The following CTU1 variants were observed in gnomAD, a reference collection of about 807,000 sequenced individuals.
CTU1 encodes cytosolic thiouridylase subunit 1.
A neutral mutation model predicts 12.9 loss-of-function variants in CTU1; 15 were observed. That is an observed-to-expected ratio of 1.16 (90% CI 0.78 to 1.79). CTU1 has a LOEUF of 1.79. Ranked by LOEUF, CTU1 falls within the 40% of genes most tolerant of loss-of-function variation. CTU1 has a pLI of 0.00. For synonymous variants in CTU1, 295 were observed against 275.6 expected (o/e 1.07, Z -0.70); for missense variants, 553 against 550.5 (o/e 1.00, Z -0.05).
intron 1 of CTU1, among the ~76,000 whole-genome samples, chr19:51,107,969 G>A (rs2091924479): frequency 6.6e-6 from 1 of 152,160 alleles, no homozygotes; most frequent in Non-Finnish European, 1.5e-5. Context: ...CGCAGAGTCG[G>A]TGCTCAGTAA....
chr19:51,107,912 C>T (rs1194104463), intron 1 of CTU1, among the ~76,000 whole-genome samples: 1 of 152,170 alleles, frequency 6.6e-6, no homozygotes, highest in African/African-American at 2.4e-5. Flanking sequence ...CTCTCTGCTT[C>T]AAGGCAGGGA....
intron 2 of CTU1, among the ~76,000 whole-genome samples, chr19:51,099,768 C>T (rs896361108): frequency 6.6e-6 from 1 of 152,146 alleles, no homozygotes; most frequent in Non-Finnish European, 1.5e-5. Flanking sequence ...CTGTCTCCCC[C>T]ACCGCCTAGG....
Position 51,098,473 on chromosome 19 carries a change from T to C in CTU1, c.*128A>G. On this transcript the variant is annotated 3_prime_UTR_variant, in exon 3 of 3. Transcript: ENST00000421832. The surrounding 1 kb of genome is among the most constrained non-coding windows in gnomAD (Gnocchi z 4.3). ...GTCCCAGCTTCTTCAGGGTTTCAGG[T>C]GAATGGGCCCCCGTCTCCTTCCCAA... 1.1e-6 allele frequency: 1 copy of C among 933,872 alleles called. No individual in the cohort carries two copies. The allele number at this position is 933,872 out of a possible 1,614,324, so 57.8% of individuals were successfully genotyped here. A position where few individuals can be genotyped will look rare whatever the true frequency, so the allele number is the denominator to read the frequency against.
chr19:51,101,452 G>A (rs1176073500), intron 2 of CTU1, among the ~76,000 whole-genome samples: 1 of 152,146 alleles, frequency 6.6e-6, no homozygotes, highest in East Asian at 1.9e-4. Context: ...ATTTCTGTGT[G>A]TCAGGTTGGG....
Position 51,108,165 on chromosome 19 carries a change from C to T in CTU1, c.-22+182G>A, listed in dbSNP as rs898808994. On this transcript the variant is annotated intron_variant, in intron 1 of 2. Coordinates refer to ENST00000421832, the MANE Select transcript of CTU1 (RefSeq NM_145232.4). The surrounding 1 kb of genome is among the most constrained non-coding windows in gnomAD (Gnocchi z 4.5). ...TATCCTGTCTTGGGGAAGGGAGTGG[C>T]CCGGTAAGAGACAGGCCGGACCGCA... Among the ~76,000 whole-genome samples the T allele has an allele frequency of 5.3e-5, 8 of 151,982 alleles. 1 individual carries two copies. Among genetic ancestry groups the T allele is most frequent in the Non-Finnish European group, 1.5e-5 (1 of 67,996 alleles).
intron 2 of CTU1, among the ~76,000 whole-genome samples, chr19:51,101,615 A>C (rs2091907282): frequency 1.3e-5 from 2 of 152,152 alleles, no homozygotes; most frequent in Non-Finnish European, 2.9e-5. Context: ...ATATGGTAAA[A>C]AACCTCCAAG....
chr19:51,107,726 G>A (rs2091923839), intron 1 of CTU1, among the ~76,000 whole-genome samples: 2 of 152,136 alleles, frequency 1.3e-5, no homozygotes, highest in South Asian at 2.1e-4. Flanking sequence ...GGGACGGTGG[G>A]GCCATTTTGT....
At chr19:51,106,859 A>G (rs1470119210) in intron 1 of CTU1, among the ~76,000 whole-genome samples, 4 of 152,110 alleles carry the variant, frequency 2.6e-5, no homozygotes, top group African/African-American at 9.7e-5. Flanking sequence ...TGATATTCAG[A>G]TGTCCCTCCT....
In CTU1 at chr19:51,098,914, C is replaced by T. The variant is rs1406841683; in HGVS notation, c.734G>A (p.Arg245His). 14 of 1,520,486 alleles carry T rather than the reference C, an allele frequency of 9.2e-6. No homozygotes were observed. Among genetic ancestry groups the T allele is most frequent in the African/African-American group, 1.4e-5 (1 of 70,088 alleles). 94.2% of individuals were successfully genotyped at this position (1,520,486 alleles called of 1,614,324 possible). A position where few individuals can be genotyped will look rare whatever the true frequency, so the allele number is the denominator to read the frequency against. ...EECVYAPEAF[R>H]GHARDLLKRL... The stretch of plus-strand genomic sequence containing the variant: ...CTTGAGCAGGTCCCGGGCGTGGCCG[C>T]GGAAGGCCTCGGGCGCGTAGACGCA... The change falls in exon 3 of 3, where the codon CGC (arginine) becomes CAC (histidine). Residue 245 changes from arginine (R) to histidine (H), a missense_variant. By Grantham distance (29) the Arg-to-His change is conservative. Around this residue, in one of 2 missense-constraint regions of CTU1, gnomAD observed 500 missense variants for 458.5 expected, o/e 1.09. Coordinates refer to ENST00000421832, the MANE Select transcript of CTU1 (RefSeq NM_145232.4). The surrounding 1 kb of genome is among the most constrained non-coding windows in gnomAD (Gnocchi z 4.3).
intron 1 of CTU1, among the ~76,000 whole-genome samples, chr19:51,106,504 T>G (rs1412000336): frequency 1.4e-5 from 1 of 69,006 alleles, no homozygotes; most frequent in Admixed American, 1.1e-4. Context: ...AGATTTTTAA[T>G]TTAATTTAAT....
In CTU1 at chr19:51,102,223, C is replaced by T. The variant is rs182590134; in HGVS notation, c.508+1839G>A. Among the ~76,000 whole-genome samples the T allele has an allele frequency of 3.3e-5, 5 of 152,318 alleles. No individual in the cohort carries two copies. In the East Asian group the frequency reaches 7.7e-4, roughly 24 times the overall value. On this transcript the variant is annotated intron_variant, in intron 2 of 2. Coordinates refer to ENST00000421832, the MANE Select transcript of CTU1 (RefSeq NM_145232.4). ...TTCACCATGTTGGCCAGGCTGGCCT[C>T]GAACGTTTGACCTTGTGATTCCGCC...
At chr19:51,099,991 G>A (rs1255891215) in intron 2 of CTU1, among the ~76,000 whole-genome samples, 1 of 152,074 alleles carries the variant, frequency 6.6e-6, no homozygotes, top group East Asian at 1.9e-4. Flanking sequence ...GGAGACCTTT[G>A]AACATAGTGG....
At position 51,104,736 on chromosome 19, in the gene CTU1, G is replaced by C. The variant is rs1599807969; in HGVS notation, c.-21-146C>G. The stretch of plus-strand genomic sequence containing the variant: ...AGTGGAGTAGCTTCTTCTAGCGCTG[G>C]GGATAGGATGGTTATAAATAGGTCC... On this transcript the variant is annotated intron_variant, in intron 1 of 2. Coordinates refer to ENST00000421832, the MANE Select transcript of CTU1 (RefSeq NM_145232.4). 15 of 568,438 alleles carry C rather than the reference G, an allele frequency of 2.6e-5. No individual in the cohort carries two copies. The East Asian group carries it at 5.6e-4, about 21-fold the overall frequency. 35.2% of individuals were successfully genotyped at this position (568,438 alleles called of 1,614,324 possible).
Position 51,099,141 on chromosome 19 carries a change from TG to T in CTU1, c.509-3del. 1 of 1,567,946 alleles carries T rather than the reference TG, an allele frequency of 6.4e-7. No homozygotes were observed. The highest frequency in any genetic ancestry group is 1.8e-5 in the Admixed American group (1 of 56,258). On this transcript the variant is annotated splice_polypyrimidine_tract_variant and splice_region_variant and intron_variant, in intron 2 of 2. Coordinates refer to ENST00000421832, the MANE Select transcript of CTU1 (RefSeq NM_145232.4). The stretch of plus-strand genomic sequence containing the variant: ...CCGCCATGTCGTCGGCGTTGTGACC[TG>T]GTGGGGAGAGAAGGGAGCGGGTGAG...
chr19:51,104,667 G>A (rs2091916039), intron 1 of CTU1, 77 bp from the exon 2 acceptor site: 2 of 1,103,778 alleles, frequency 1.8e-6, no homozygotes, highest in Non-Finnish European at 2.3e-6. Flanking sequence ...GAGATTGTCT[G>A]GATTGCACCT....
At chr19:51,099,404 G>A (rs568343962) in intron 2 of CTU1, among the ~76,000 whole-genome samples, 1 of 152,084 alleles carries the variant, frequency 6.6e-6, no homozygotes, top group Admixed American at 6.5e-5. Flanking sequence ...AGACCCCTAG[G>A]GCACTGTGGG....
rs758910571 is a variant in CTU1 at position 51,099,000 on chromosome 19, G to A, written c.648C>T (p.Ala216=). The change falls in exon 3 of 3, where the codon GCC becomes GCT. Residue 216 remains alanine (A), a synonymous_variant. Coordinates refer to ENST00000421832, the MANE Select transcript of CTU1 (RefSeq NM_145232.4). The surrounding 1 kb of genome is among the most constrained non-coding windows in gnomAD (Gnocchi z 4.3). Reference sequence around the variant, plus strand: ...CGTACAGCACCACCTCCTTCTGCGAGGCGAACTGCAGCGGGCGGCAGCGCG... The same window carrying A: ...CGTACAGCACCACCTCCTTCTGCGAAGCGAACTGCAGCGGGCGGCAGCGCG... ...ALPRCRPLQF[A]SQKEVVLYAH... 1 of 1,535,940 alleles carries A rather than the reference G, an allele frequency of 6.5e-7. No homozygotes were observed. The highest frequency in any genetic ancestry group is 1.8e-5 in the Admixed American group (1 of 54,066).
Position 51,098,585 on chromosome 19 carries a change from G to C in CTU1, c.*16C>G, listed in dbSNP as rs968612245. 1.6e-6 allele frequency: 2 copies of C among 1,260,720 alleles called. No homozygotes were observed. Among genetic ancestry groups the C allele is most frequent in the African/African-American group, 3.1e-5 (2 of 64,358 alleles). The allele number at this position is 1,260,720 out of a possible 1,614,324, so 78.1% of individuals were successfully genotyped here. On this transcript the variant is annotated 3_prime_UTR_variant, in exon 3 of 3. Transcript: ENST00000421832. This position sits in a 1 kb window ranked among gnomAD's most constrained non-coding sequence, Gnocchi z 4.3. ...CCACCCCGCGGCATCAGATCCCGGC[G>C]GGAGGCCCGAAGTCGCTAGAAGGTG...
rs1421190350 is a variant in CTU1, at chr19:51,104,521, G to A, written c.49C>T (p.Arg17Cys). 7.9e-7 allele frequency: 1 copy of A among 1,272,722 alleles called. No homozygotes were observed. Among genetic ancestry groups the A allele is most frequent in the Non-Finnish European group, 9.9e-7 (1 of 1,011,360 alleles). The allele number at this position is 1,272,722 out of a possible 1,614,324, so 78.8% of individuals were successfully genotyped here. ...AGCGCTTGGCCCGAGAGCGGACGGC[G>A]GAGGGCGGCGCGTGCAGCATGGCAG... is the stretch of plus-strand genomic sequence containing the variant. The part of the protein sequence containing the change: ...ASCHAARAAL[R>C]RPLSGQALCG... Residue 17 changes from arginine (R) to cysteine (C), a missense_variant, in exon 2 of 3, where the codon CGC becomes TGC. By Grantham distance (180) the Arg-to-Cys change is radical. Coordinates refer to ENST00000421832, the MANE Select transcript of CTU1 (RefSeq NM_145232.4).
Sources: allele counts gnomAD v4.1 joint callset (sites outside exome capture counted in the v4.1 genomes callset), GRCh38; gene constraint gnomAD v4.1.1; regional missense constraint gnomAD v4.1.1; non-coding constraint Gnocchi (gnomAD v3.1); transcripts MANE v1.5; gene names NCBI Gene and HGNC (gene_info 2026-07-23, HGNC 2026-07-21).